NR1H2: variants seen among roughly 807,000 people sequenced by gnomAD.
NR1H2 encodes nuclear receptor subfamily 1 group H member 2.
In NR1H2, 33 loss-of-function variants were observed where a neutral mutation model predicts 51.2. That is an observed-to-expected ratio of 0.64 (90% CI 0.49 to 0.86). The LOEUF (loss-of-function observed/expected upper bound fraction) is 0.86, where lower values mean the gene tolerates loss of function less well. Ranked by LOEUF, NR1H2 falls within the 40% of genes least tolerant of loss-of-function variation. NR1H2 has a pLI of 0.00. For missense variants in NR1H2, 592 were observed against 639.9 expected (o/e 0.93, Z 0.81); for synonymous variants, 310 against 264.3 (o/e 1.17, Z -1.68).
intron 5 of NR1H2, 33 bp downstream of exon 5, chr19:50,378,472 GGCCCCCCGCCTA>G: frequency 6.4e-7 from 1 of 1,574,110 alleles, no homozygotes; most frequent in South Asian, 1.2e-5. Flanking sequence ...GTGCCGGCCT[GGCCCCCCGCCTA>G]GCCCTGGGGT....
At chr19:50,377,493 T>C in intron 2 of NR1H2, 94 bp from the exon 3 acceptor site, 2 of 972,746 alleles carry the variant, frequency 2.1e-6, no homozygotes, top group Non-Finnish European at 3.1e-6. Context: ...TTTGGAGAGA[T>C]GGAAAAAAAA....
chr19:50,382,003 C>T lies in NR1H2; in HGVS notation c.1065C>T (p.Phe355=), dbSNP rs1184139391. 3 of 1,567,608 alleles carry T rather than the reference C, an allele frequency of 1.9e-6. No homozygotes were observed. The highest frequency in any genetic ancestry group is 1.7e-6 in the Non-Finnish European group (2 of 1,155,654). The change falls in exon 9 of 10, where the codon TTC becomes TTT. Residue 355 remains phenylalanine (F), a synonymous_variant. Coordinates refer to ENST00000253727, the MANE Select transcript of NR1H2 (RefSeq NM_007121.7). ...QVEFINPIFE[F]SRAMRRLGLD... ...AGTTCATCAACCCCATCTTCGAGTT[C>T]TCGCGGGCCATGCGGCGGCTGGGCC... is the stretch of plus-strand genomic sequence containing the variant.
At position 50,382,119 on chromosome 19, in the gene NR1H2, T is replaced by A; in HGVS notation, c.1181T>A (p.Leu394Ter). The A allele has an allele frequency of 6.5e-7, 1 of 1,545,278 alleles. No individual in the cohort carries two copies. The highest frequency in any genetic ancestry group is 8.7e-7 in the Non-Finnish European group (1 of 1,146,856). Residue 394 changes from leucine (L) to a stop codon, truncating the protein, a stop_gained, in exon 9 of 10, where the codon TTG becomes TAG. Transcript: ENST00000253727. LOFTEE classifies it high-confidence loss of function. ...NVQEPGRVEA[L>*]QQPYVEALLS... Reference sequence around the variant, plus strand: ...CAGGAGCCGGGCCGCGTGGAGGCGTTGCAGCAGCCCTACGTGGAGGCGCTG... The same window carrying A: ...CAGGAGCCGGGCCGCGTGGAGGCGTAGCAGCAGCCCTACGTGGAGGCGCTG...
At position 50,377,220 on chromosome 19, in the gene NR1H2, G is replaced by A; in HGVS notation, c.-19-367G>A. ...ATGAGAAATAGGGATGCTTGGGGCA[G>A]AAGTGAGGTAGAGTCTTAAGAAGAG... On this transcript the variant is annotated intron_variant, in intron 2 of 9. Coordinates refer to ENST00000253727, the MANE Select transcript of NR1H2 (RefSeq NM_007121.7). The A allele has an allele frequency of 1.3e-5, 3 of 222,958 alleles. No individual in the cohort carries two copies. The South Asian group carries it at 3.4e-4, about 25-fold the overall frequency. 13.8% of individuals were successfully genotyped at this position (222,958 alleles called of 1,614,324 possible).
intron 4 of NR1H2, 73 bp from the exon 5 acceptor site, chr19:50,378,076 C>G: frequency 1.3e-6 from 2 of 1,494,822 alleles, no homozygotes; most frequent in South Asian, 1.3e-5. Context: ...GCCTGGGGAT[C>G]TCCTGTGGGC....
rs78100014 is a variant in NR1H2, at chr19:50,377,723, C to T, written c.44-10C>T. The T allele has an allele frequency of 1.1e-3, 1,698 of 1,604,176 alleles. No individual in the cohort carries two copies. Among genetic ancestry groups the T allele is most frequent in the Non-Finnish European group, 1.3e-3 (1,514 of 1,174,672 alleles). On this transcript the variant is annotated splice_polypyrimidine_tract_variant and intron_variant, in intron 3 of 9. Transcript: ENST00000253727. ...TCACTGTACCTCTCCCGGATTCCAC[C>T]CTCTTCCAGGAAATGGCCCCCCTCA...
In NR1H2 at chr19:50,382,219, G is replaced by A. The variant is rs911480024; in HGVS notation, c.1236+45G>A. 1.4e-5 allele frequency: 20 copies of A among 1,470,790 alleles called. 1 individual carries two copies. Among genetic ancestry groups the A allele is most frequent in the South Asian group, 1.1e-4 (8 of 75,338 alleles). 91.1% of individuals were successfully genotyped at this position (1,470,790 alleles called of 1,614,324 possible). A position where few individuals can be genotyped will look rare whatever the true frequency, so the allele number is the denominator to read the frequency against. On this transcript the variant is annotated intron_variant, in intron 9 of 9. Coordinates refer to ENST00000253727, the MANE Select transcript of NR1H2 (RefSeq NM_007121.7). Reference sequence around the variant, plus strand: ...CTGCGCAGAGCCAACTACGTCCCGCGGCCCACGTGGTCCGTTCAGGCTGGG... The same window carrying A: ...CTGCGCAGAGCCAACTACGTCCCGCAGCCCACGTGGTCCGTTCAGGCTGGG...
chr19:50,382,511 G>T lies in NR1H2; in HGVS notation c.1292G>T (p.Ser431Ile). The part of the protein sequence containing the change: ...LMKLVSLRTL[S>I]SVHSEQVFAL... ...AAGCTGGTGAGCCTGCGCACGCTGA[G>T]CTCTGTGCACTCGGAGCAGGTCTTC... The change falls in exon 10 of 10, where the codon AGC (serine) becomes ATC (isoleucine). Residue 431 changes from serine to isoleucine, a missense_variant. This residue lies in a region of NR1H2 where 174 missense variants were observed against 174.0 expected (regional missense o/e 1.00). Transcript: ENST00000253727. 6.2e-7 allele frequency: 1 copy of T among 1,611,242 alleles called. No individual in the cohort carries two copies.
At position 50,378,807 on chromosome 19, in the gene NR1H2, C is replaced by T; in HGVS notation, c.747+11C>T. 1 of 1,610,538 alleles carries T rather than the reference C, an allele frequency of 6.2e-7. No homozygotes were observed. Among genetic ancestry groups the T allele is most frequent in the Non-Finnish European group, 8.5e-7 (1 of 1,177,880 alleles). On this transcript the variant is annotated intron_variant, in intron 6 of 9. Transcript: ENST00000253727. ...CAGCCCAAAGTCACGGTACTGCCCC[C>T]TCCACAACCTTGAGTGTGACGGTCC...
At chr19:50,377,669 C>G in intron 3 of NR1H2, 21 bp downstream of exon 3, 1 of 1,610,164 alleles carries the variant, frequency 6.2e-7, no homozygotes, top group Non-Finnish European at 8.5e-7. Flanking sequence ...CTCTTCCCCA[C>G]CCAGCCCTTA....
At chr19:50,379,361 C>T (rs892006614) in intron 7 of NR1H2, among the ~76,000 whole-genome samples, 180 bp downstream of exon 7, 8 of 152,112 alleles carry the variant, frequency 5.3e-5, no homozygotes, top group South Asian at 2.1e-4. Flanking sequence ...GAGGATCAGG[C>T]TAGAGGCGCT....
Position 50,378,216 on chromosome 19 carries a change from C to T in NR1H2, c.249C>T (p.Gly83=), listed in dbSNP as rs368107142. 3.1e-6 allele frequency: 5 copies of T among 1,613,622 alleles called. No homozygotes were observed. Among genetic ancestry groups the T allele is most frequent in the Non-Finnish European group, 4.2e-6 (5 of 1,180,016 alleles). ...RKKGPAPKML[G]HELCRVCGDK... ...AGGGCCCAGCCCCGAAGATGCTGGG[C>T]CACGAGCTTTGCCGTGTCTGTGGGG... The change falls in exon 5 of 10, where the codon GGC becomes GGT. Residue 83 remains glycine (G), a synonymous_variant. Coordinates refer to ENST00000253727, the MANE Select transcript of NR1H2 (RefSeq NM_007121.7).
chr19:50,382,347 G>C (rs943479356), intron 9 of NR1H2, 109 bp from the exon 10 acceptor site: 5 of 1,430,022 alleles, frequency 3.5e-6, no homozygotes, highest in African/African-American at 2.8e-5. Context: ...CGGGCCCCAC[G>C]CTGGCTCCCA....
At chr19:50,380,216 G>A (rs1014614433) in intron 8 of NR1H2, among the ~76,000 whole-genome samples, 1 of 152,200 alleles carries the variant, frequency 6.6e-6, no homozygotes, top group Non-Finnish European at 1.5e-5. Flanking sequence ...TGCAGTGGAA[G>A]TTGAGATGGG....
At chr19:50,381,794 C>T (rs766381047) in intron 8 of NR1H2, among the ~76,000 whole-genome samples, 172 bp from the exon 9 acceptor site, 4 of 152,204 alleles carry the variant, frequency 2.6e-5, no homozygotes, top group Non-Finnish European at 4.4e-5. Context: ...ATGTGTGGCA[C>T]ACCTACTACA....
Position 50,383,004 on chromosome 19 carries a change from C to T in NR1H2, c.*402C>T, listed in dbSNP as rs1489730264. On this transcript the variant is annotated 3_prime_UTR_variant, in exon 10 of 10. Transcript: ENST00000253727. The stretch of plus-strand genomic sequence containing the variant: ...GAAACAGGAAAATAAAATATGAATA[C>T]AATCCAGCCCGGAGCTGGAGTGCAA... 6.3e-6 allele frequency: 1 copy of T among 157,498 alleles called. No individual in the cohort carries two copies. The highest frequency in any genetic ancestry group is 6.3e-5 in the Admixed American group (1 of 15,780). 9.8% of individuals were successfully genotyped at this position (157,498 alleles called of 1,614,324 possible).
Position 50,379,179 on chromosome 19 carries a change from G to C in NR1H2, c.925G>C (p.Glu309Gln). The C allele has an allele frequency of 6.2e-7, 1 of 1,609,902 alleles. No individual in the cohort carries two copies. The highest frequency in any genetic ancestry group is 8.5e-7 in the Non-Finnish European group (1 of 1,177,896). The change falls in exon 7 of 10, where the codon GAG becomes CAG. Residue 309 changes from glutamate to glutamine, a missense_variant and splice_region_variant. Glu to Gln is a conservative substitution (Grantham distance 29). This residue lies in a region of NR1H2 where 102 missense variants were observed against 152.4 expected (regional missense o/e 0.67). Transcript: ENST00000253727. ...QIALLKASTI[E>Q]IMLLETARRY... The stretch of plus-strand genomic sequence containing the variant: ...CGCCCTCCTGAAGGCATCCACTATC[G>C]AGGTAATGGTCCATCTGCCCACAAG...
intron 4 of NR1H2, 87 bp from the exon 5 acceptor site, chr19:50,378,062 C>G (rs1241912175): frequency 7.5e-6 from 11 of 1,470,600 alleles, no homozygotes; most frequent in African/African-American, 1.4e-5. Flanking sequence ...TCCTCTGGCT[C>G]TTTGCCTGGG....
Position 50,382,079 on chromosome 19 carries a change from G to GACC in NR1H2, c.1142_1144dup (p.Asp381_Arg382insHis). ...CATCGCCATCAACATCTTCTCGGCC[G>GACC]ACCGGCCCAACGTGCAGGAGCCGGG... On this transcript the variant is annotated inframe_insertion, in exon 9 of 10. Transcript: ENST00000253727. The GACC allele has an allele frequency of 6.4e-7, 1 of 1,551,410 alleles. No individual in the cohort carries two copies. The highest frequency in any genetic ancestry group is 8.7e-7 in the Non-Finnish European group (1 of 1,148,232).
Sources: gnomAD v4.1 joint callset for allele counts (sites outside exome capture counted in the v4.1 genomes callset) on GRCh38, gnomAD v4.1.1 for gene constraint, gnomAD v4.1.1 regional missense constraint, MANE v1.5 for transcripts, NCBI Gene and HGNC (gene_info 2026-07-23, HGNC 2026-07-21) for gene names.